Variants in C4orf54 observed in about 807,000 individuals in gnomAD.
The protein encoded by C4orf54 is chromosome 4 open reading frame 54.
C4orf54 carries 67 observed loss-of-function variants against 80.1 expected under a neutral mutation model. The observed-to-expected ratio is 0.84, with a 90% CI of 0.69 to 1.03. The LOEUF is 1.03. C4orf54 is among the 50% of genes least tolerant of loss of function. The pLI is 0.00. For missense variants in C4orf54, 2,434 were observed against 2,253.5 expected (o/e 1.08, Z -1.62); for synonymous variants, 1,000 against 917.0 (o/e 1.09, Z -1.64).
chr4:99,653,319 T>A lies in C4orf54; in HGVS notation c.1330A>T (p.Thr444Ser), dbSNP rs574225691. The part of the protein sequence containing the change: ...STTPSTNTTR[T>S]PSPTSSDLAR... ...AGGTCGCTGCTTGTAGGGCTGGGCG[T>A]CCGGGTGGTGTTGGTGCTGGGAGTG... is the stretch of plus-strand genomic sequence containing the variant. The change falls in exon 2 of 3, where the codon ACG (threonine) becomes TCG (serine). Residue 444 changes from threonine (T) to serine (S), a missense_variant. Transcript: ENST00000511828. 65 of 1,533,266 alleles carry A rather than the reference T, an allele frequency of 4.2e-5. 2 individuals are homozygous for A. The South Asian group carries it at 7.3e-4, about 17-fold the overall frequency. 95.0% of individuals were successfully genotyped at this position (1,533,266 alleles called of 1,614,324 possible).
intron 2 of C4orf54, among the ~76,000 whole-genome samples, chr4:99,644,905 AGCAAATG>A: frequency 6.6e-6 from 1 of 151,608 alleles, no homozygotes; most frequent in East Asian, 1.9e-4. Flanking sequence ...TAAATTCTCA[AGCAAATG>A]GCAATGGAAA....
Position 99,654,674 on chromosome 4 carries a change from C to G in C4orf54, c.-26G>C. On this transcript the variant is annotated 5_prime_UTR_variant, in exon 2 of 3. Coordinates refer to ENST00000511828, the MANE Select transcript of C4orf54 (RefSeq NM_001354435.2). ...GTGCTGTTTCTTGTGAAGCCTTGTC[C>G]CTTTCCTGGATGGGGCGAGAGAAGG... The G allele has an allele frequency of 1.5e-6, 1 of 674,286 alleles. No homozygotes were observed. The highest frequency in any genetic ancestry group is 2.7e-6 in the Non-Finnish European group (1 of 364,830). 41.8% of individuals were successfully genotyped at this position (674,286 alleles called of 1,614,324 possible). A position where few individuals can be genotyped will look rare whatever the true frequency, so the allele number is the denominator to read the frequency against.
chr4:99,657,417 C>T (rs756797110), intron 1 of C4orf54, among the ~76,000 whole-genome samples, 78 bp downstream of exon 1: 5 of 152,226 alleles, frequency 3.3e-5, no homozygotes, highest in Admixed American at 6.5e-5. Flanking sequence ...CAGCATCTTG[C>T]TTCCTCCACA....
chr4:99,650,263 C>T lies in C4orf54; in HGVS notation c.4386G>A (p.Lys1462=). ...TNRKSGSNLE[K]SNSDCENYLT... ...GGTAATTCTCACAGTCACTGTTGCT[C>T]TTCTCCAAATTGCTGCCACTTTTCC... The change falls in exon 2 of 3, where the codon AAG becomes AAA. Residue 1462 remains lysine (K), a synonymous_variant. Coordinates refer to ENST00000511828, the MANE Select transcript of C4orf54 (RefSeq NM_001354435.2). The T allele has an allele frequency of 6.5e-7, 1 of 1,536,126 alleles. No homozygotes were observed. Among genetic ancestry groups the T allele is most frequent in the Non-Finnish European group, 8.7e-7 (1 of 1,146,910 alleles).
chr4:99,641,936 T>G (rs1453113601), intron 2 of C4orf54, among the ~76,000 whole-genome samples: 1 of 152,048 alleles, frequency 6.6e-6, no homozygotes, highest in Non-Finnish European at 1.5e-5. Flanking sequence ...ATGTGAAAAA[T>G]AACCTCCAAG....
chr4:99,652,912 A>T lies in C4orf54; in HGVS notation c.1737T>A (p.His579Gln). 2.0e-6 allele frequency: 3 copies of T among 1,536,136 alleles called. No individual in the cohort carries two copies. Among genetic ancestry groups the T allele is most frequent in the Non-Finnish European group, 2.6e-6 (3 of 1,146,912 alleles). Reference sequence around the variant, plus strand: ...CAGGTACAGCAATGAATTTCTTTGCATGGTCCTGAGCCACTGCTGCAGCCG... The same window carrying T: ...CAGGTACAGCAATGAATTTCTTTGCTTGGTCCTGAGCCACTGCTGCAGCCG... ...QNPAAAVAQD[H>Q]AKKFIAVPAR... The change falls in exon 2 of 3, where the codon CAT becomes CAA. Residue 579 changes from histidine to glutamine, a missense_variant. Transcript: ENST00000511828.
chr4:99,651,081 C>T lies in C4orf54; in HGVS notation c.3568G>A (p.Gly1190Arg). The change falls in exon 2 of 3, where the codon GGG becomes AGG. Residue 1190 changes from glycine (G) to arginine (R), a missense_variant. By Grantham distance (125) the Gly-to-Arg change is moderately radical. Transcript: ENST00000511828. Reference sequence around the variant, plus strand: ...GATGCCCTGTGAACCAAGACTGTCCCTTCTGGGGAGGAAGAATTCAAGACT... The same window carrying T: ...GATGCCCTGTGAACCAAGACTGTCCTTTCTGGGGAGGAAGAATTCAAGACT... ...SRVLNSSSPE[G>R]TVLVHRASGR... 2 of 1,536,168 alleles carry T rather than the reference C, an allele frequency of 1.3e-6. No individual in the cohort carries two copies. The highest frequency in any genetic ancestry group is 8.7e-7 in the Non-Finnish European group (1 of 1,146,914).
rs1726912574 is a variant in C4orf54, at chr4:99,653,788, C to T, written c.861G>A (p.Glu287=). The change falls in exon 2 of 3, where the codon GAG becomes GAA. Residue 287 remains glutamate, a synonymous_variant. Coordinates refer to ENST00000511828, the MANE Select transcript of C4orf54 (RefSeq NM_001354435.2). ...KAEEDGLSKM[E]DSTTSTGALA... Reference sequence around the variant, plus strand: ...GAGCCCCTGTGGATGTGGTGGAGTCCTCCATTTTGGAAAGGCCATCCTCTT... The same window carrying T: ...GAGCCCCTGTGGATGTGGTGGAGTCTTCCATTTTGGAAAGGCCATCCTCTT... The T allele has an allele frequency of 1.2e-5, 18 of 1,536,026 alleles. No homozygotes were observed. The highest frequency in any genetic ancestry group is 2.4e-5 in the South Asian group (2 of 84,062).
Position 99,650,626 on chromosome 4 carries a change from C to A in C4orf54, c.4023G>T (p.Gln1341His). The A allele has an allele frequency of 1.3e-6, 2 of 1,536,036 alleles. No homozygotes were observed. The highest frequency in any genetic ancestry group is 2.4e-5 in the South Asian group (2 of 84,048). Residue 1341 changes from glutamine (Q) to histidine (H), a missense_variant, in exon 2 of 3, where the codon CAG (glutamine) becomes CAT (histidine). Gln to His is a conservative substitution (Grantham distance 24, BLOSUM62 0). Transcript: ENST00000511828. Reference protein sequence around the residue: ...VLRGAPIERLQRRNSNPSAES... With the variant: ...VLRGAPIERLHRRNSNPSAES... ...CAGCGCTGGGGTTGGAGTTTCTCCG[C>A]TGCAGACGTTCTATGGGGGCCCCTC...
intron 2 of C4orf54, among the ~76,000 whole-genome samples, chr4:99,645,522 A>G (rs148736235): frequency 1.3e-4 from 20 of 152,094 alleles, no homozygotes; most frequent in African/African-American, 4.3e-4. Context: ...TTAATATTAC[A>G]TATTTATTTT....
At position 99,653,336 on chromosome 4, in the gene C4orf54, C is replaced by T. The variant is rs761948021; in HGVS notation, c.1313G>A (p.Ser438Asn). 2.2e-5 allele frequency: 33 copies of T among 1,534,664 alleles called. No individual in the cohort carries two copies. The highest frequency in any genetic ancestry group is 2.8e-5 in the Non-Finnish European group (32 of 1,145,806). Residue 438 changes from serine (S) to asparagine (N), a missense_variant, in exon 2 of 3, where the codon AGC becomes AAC. Physicochemically the swap from Ser to Asn is conservative, Grantham distance 46. Coordinates refer to ENST00000511828, the MANE Select transcript of C4orf54 (RefSeq NM_001354435.2). Reference sequence around the variant, plus strand: ...GCTGGGCGTCCGGGTGGTGTTGGTGCTGGGAGTGGTGCTGAGGTAGCAGCT... The same window carrying T: ...GCTGGGCGTCCGGGTGGTGTTGGTGTTGGGAGTGGTGCTGAGGTAGCAGCT... ...DNSCYLSTTP[S>N]TNTTRTPSPT... is the part of the protein sequence containing the mutation.
Position 99,653,142 on chromosome 4 carries a change from C to T in C4orf54, c.1507G>A (p.Gly503Arg), listed in dbSNP as rs569280839. 91 of 1,536,190 alleles carry T rather than the reference C, an allele frequency of 5.9e-5. 1 individual carries two copies. The highest frequency in any genetic ancestry group is 4.7e-4 in the Admixed American group (24 of 51,010). ...PLPETPEAAS[G>R]AAAAAASSCG... is the part of the protein sequence containing the mutation. ...CTGCTTGCGGCGGCGGCTGCTGCCC[C>T]TGAAGCTGCCTCCGGGGTCTCAGGC... The change falls in exon 2 of 3, where the codon GGG becomes AGG. Residue 503 changes from glycine (G) to arginine (R), a missense_variant. Coordinates refer to ENST00000511828, the MANE Select transcript of C4orf54 (RefSeq NM_001354435.2).
intron 1 of C4orf54, 67 bp from the exon 2 acceptor site, chr4:99,654,746 C>G (rs768473481): frequency 3.3e-6 from 2 of 607,054 alleles, no homozygotes; most frequent in South Asian, 1.9e-5. Flanking sequence ...GTAGTCATAT[C>G]GAAACCACAC....
intron 1 of C4orf54, among the ~76,000 whole-genome samples, chr4:99,656,636 AC>A (rs1726984978): frequency 6.6e-6 from 1 of 152,262 alleles, no homozygotes; most frequent in Non-Finnish European, 1.5e-5. Flanking sequence ...CATAGCATTT[AC>A]TATGTGCCAA....
chr4:99,650,378 G>A lies in C4orf54; in HGVS notation c.4271C>T (p.Pro1424Leu), dbSNP rs1241320194. 4 of 1,536,058 alleles carry A rather than the reference G, an allele frequency of 2.6e-6. No individual in the cohort carries two copies. Among genetic ancestry groups the A allele is most frequent in the African/African-American group, 1.4e-5 (1 of 73,130 alleles). The change falls in exon 2 of 3, where the codon CCT becomes CTT. Residue 1424 changes from proline to leucine, a missense_variant. Transcript: ENST00000511828. ...CGACTTGATGCCCTTAGCTGCTGAA[G>A]GACTCTCCGGAGAAGGCCCTTGTGG... Reference protein sequence around the residue: ...KFPQGPSPESPSAAKGIKSQG... With the variant: ...KFPQGPSPESLSAAKGIKSQG...
chr4:99,651,573 C>T lies in C4orf54; in HGVS notation c.3076G>A (p.Ala1026Thr). Residue 1026 changes from alanine to threonine, a missense_variant, in exon 2 of 3, where the codon GCT (alanine) becomes ACT (threonine). Coordinates refer to ENST00000511828, the MANE Select transcript of C4orf54 (RefSeq NM_001354435.2). ...CCCAGCCGGATCTTGATTTCGGGAG[C>T]CTTGGGTCTGATCACCGCTGTGGAG... ...ATSTAVIRPK[A>T]PEIKIRLGSV... 3 of 1,536,106 alleles carry T rather than the reference C, an allele frequency of 2.0e-6. No homozygotes were observed. Among genetic ancestry groups the T allele is most frequent in the Non-Finnish European group, 2.6e-6 (3 of 1,146,892 alleles).
In C4orf54 at chr4:99,638,315, A is replaced by G. The variant is rs1726546452; in HGVS notation, c.*2918T>C. ...CATTGAGTACTTTTTAAAAACATAC[A>G]TTCTGGCGAATTAAATTTTTATACG... On this transcript the variant is annotated 3_prime_UTR_variant, in exon 3 of 3. Transcript: ENST00000511828. 1.3e-5 allele frequency: 2 copies of G among 152,192 alleles called. No individual in the cohort carries two copies. The highest frequency in any genetic ancestry group is 4.8e-5 in the African/African-American group (2 of 41,462). 9.4% of individuals were successfully genotyped at this position (152,192 alleles called of 1,614,324 possible). A position where few individuals can be genotyped will look rare whatever the true frequency, so the allele number is the denominator to read the frequency against.
At chr4:99,655,181 G>C (rs1346111942) in intron 1 of C4orf54, among the ~76,000 whole-genome samples, 13 of 152,142 alleles carry the variant, frequency 8.5e-5, no homozygotes, top group Admixed American at 7.9e-4. Context: ...AACACGACCT[G>C]TTTGGTTCAA....
At chr4:99,645,889 C>T (rs1471248046) in intron 2 of C4orf54, among the ~76,000 whole-genome samples, 1 of 152,116 alleles carries the variant, frequency 6.6e-6, no homozygotes, top group Non-Finnish European at 1.5e-5. Context: ...GTGCCTTAAT[C>T]ACAATGTGAG....
Sources: gnomAD v4.1 joint callset for allele counts (sites outside exome capture counted in the v4.1 genomes callset) on GRCh38, gnomAD v4.1.1 for gene constraint, MANE v1.5 for transcripts, NCBI Gene and HGNC (gene_info 2026-07-23, HGNC 2026-07-21) for gene names.